Variants in TMEM38B observed in about 807,000 individuals in gnomAD.
The protein encoded by TMEM38B is transmembrane protein 38B.
In TMEM38B, 24 loss-of-function variants were observed where a neutral mutation model predicts 28.7. The ratio of observed to expected loss-of-function variants is 0.84; its 90% CI spans 0.61 to 1.18. TMEM38B has a LOEUF of 1.18. TMEM38B is among the 50% of genes most tolerant of loss of function. The pLI, the probability that TMEM38B is intolerant of heterozygous loss-of-function variation, is 0.00. For synonymous variants in TMEM38B, 131 were observed against 127.7 expected, an observed-to-expected ratio of 1.03 and a Z score of -0.17; for missense variants, 380 against 350.9, an observed-to-expected ratio of 1.08 and a Z score of -0.66.
chr9:105,722,547 C>G lies in TMEM38B; in HGVS notation c.468C>G (p.Thr156=). 1 of 1,613,278 alleles carries G rather than the reference C, an allele frequency of 6.2e-7. No homozygotes were observed. The highest frequency in any genetic ancestry group is 8.5e-7 in the Non-Finnish European group (1 of 1,179,598). Residue 156 remains threonine (T), a synonymous_variant, in exon 4 of 6, where the codon ACC becomes ACG. Transcript: ENST00000374692. ...AIGWARGAGG[T]IITNFERLVK... ...TCATATTTTTAGGTGCAGGTGGTAC[C>G]ATTATAACGAATTTTGAGAGGTTGG...
At chr9:105,763,942 AAT>A (rs1838163455) in intron 5 of TMEM38B, among the ~76,000 whole-genome samples, 1 of 151,090 alleles carries the variant, frequency 6.6e-6, no homozygotes, top group African/African-American at 2.4e-5. Context: ...CAAATCAATA[AAT>A]GTAATCCAGC....
chr9:105,719,310 C>T (rs1045467570), intron 2 of TMEM38B, among the ~76,000 whole-genome samples: 3 of 152,136 alleles, frequency 2.0e-5, no homozygotes, highest in African/African-American at 7.2e-5. Flanking sequence ...TCCACTTCCT[C>T]TCTCATTTTG....
chr9:105,716,639 CCACTTA>C (rs1169079516), intron 2 of TMEM38B, among the ~76,000 whole-genome samples: 10 of 104,290 alleles, frequency 9.6e-5, no homozygotes, highest in African/African-American at 5.3e-4. Flanking sequence ...CTGTGTGAAT[CCACTTA>C]TGTGCAGATT....
chr9:105,758,490 C>T, intron 5 of TMEM38B: 1 of 1,291,516 alleles, frequency 7.7e-7, no homozygotes, highest in South Asian at 1.2e-5. Flanking sequence ...GCTTTATGAC[C>T]TATTAAGAAA....
intron 5 of TMEM38B, among the ~76,000 whole-genome samples, chr9:105,765,790 ATTTTCTTTT>A (rs1275773351): frequency 4.6e-5 from 7 of 151,880 alleles, no homozygotes; most frequent in African/African-American, 7.2e-5. Context: ...ACAGACACAT[ATTTTCTTTT>A]TTTTCTTTTT....
intron 5 of TMEM38B, among the ~76,000 whole-genome samples, chr9:105,771,658 A>T (rs1447278615): frequency 6.6e-6 from 1 of 152,006 alleles, no homozygotes; most frequent in Non-Finnish European, 1.5e-5. Flanking sequence ...ATTTATTCTA[A>T]GGAATAATTT....
intron 5 of TMEM38B, chr9:105,760,054 T>G (rs750058563): frequency 7.5e-5 from 89 of 1,183,574 alleles, no homozygotes; most frequent in Admixed American, 3.7e-4. Flanking sequence ...ACTTCCAGCT[T>G]CTTCTGTGTT....
chr9:105,721,231 G>T (rs937621307), intron 2 of TMEM38B, among the ~76,000 whole-genome samples: 1 of 152,148 alleles, frequency 6.6e-6, no homozygotes. Flanking sequence ...TCAGCACTTA[G>T]CTTCTAGAAC....
rs146681679 is a variant in TMEM38B, at chr9:105,695,568, C to G, written c.112+796C>G. Among the ~76,000 whole-genome samples the G allele has an allele frequency of 1.6e-4, 24 of 152,308 alleles. No individual in the cohort carries two copies. In the East Asian group the frequency reaches 4.6e-3, roughly 29 times the overall value. Reference sequence around the variant, plus strand: ...GATTTTACACCAGGGTGCGTTTGCTCTAATACTGCTTTACTTTTGTAGTTA... The same window carrying G: ...GATTTTACACCAGGGTGCGTTTGCTGTAATACTGCTTTACTTTTGTAGTTA... On this transcript the variant is annotated intron_variant, in intron 1 of 5. Transcript: ENST00000374692.
chr9:105,702,857 T>A (rs1835506787), intron 1 of TMEM38B: 1 of 152,012 alleles, frequency 6.6e-6, no homozygotes, highest in African/African-American at 2.4e-5. Context: ...TTTTTTATAT[T>A]TTGTGGAGAT....
intron 1 of TMEM38B, among the ~76,000 whole-genome samples, chr9:105,704,448 A>G (rs1835577359): frequency 6.6e-6 from 1 of 152,152 alleles, no homozygotes; most frequent in African/African-American, 2.4e-5. Context: ...TTTGAGTTAG[A>G]GACATTGTTC....
intron 4 of TMEM38B, among the ~76,000 whole-genome samples, chr9:105,735,552 C>T (rs1194909584): frequency 6.6e-6 from 1 of 152,156 alleles, no homozygotes; most frequent in African/African-American, 2.4e-5. Flanking sequence ...AATAGCTTTG[C>T]TGGGTATAGT....
At chr9:105,762,391 A>T (rs1036498639) in intron 5 of TMEM38B, among the ~76,000 whole-genome samples, 1 of 140,374 alleles carries the variant, frequency 7.1e-6, no homozygotes, top group East Asian at 2.3e-4. Context: ...ATATCTCCCA[A>T]TGCTATCCCT....
chr9:105,747,375 T>G (rs888729220), intron 4 of TMEM38B, among the ~76,000 whole-genome samples: 2 of 152,222 alleles, frequency 1.3e-5, no homozygotes, highest in African/African-American at 2.4e-5. Flanking sequence ...GAGGTGTTTA[T>G]AGTATTCTCT....
intron 2 of TMEM38B, among the ~76,000 whole-genome samples, chr9:105,714,339 T>C (rs966807535): frequency 2.6e-5 from 4 of 152,230 alleles, no homozygotes; most frequent in Non-Finnish European, 4.4e-5. Context: ...TCCACTTGTC[T>C]GAATACTTCA....
At chr9:105,728,955 A>C (rs1836627892) in intron 4 of TMEM38B, among the ~76,000 whole-genome samples, 4 of 152,026 alleles carry the variant, frequency 2.6e-5, no homozygotes, top group Admixed American at 2.0e-4. Flanking sequence ...AATTTGTTTA[A>C]GTTCTTTGTA....
At chr9:105,705,775 C>T (rs1398237118) in intron 2 of TMEM38B, 22 bp downstream of exon 2, 7 of 1,597,346 alleles carry the variant, frequency 4.4e-6, no homozygotes, top group East Asian at 2.2e-5. Context: ...GTATGGTGAC[C>T]TATGTGACAT....
rs560266091 is a variant in TMEM38B, at chr9:105,760,438, C to G, written c.660+12248C>G. The G allele has an allele frequency of 3.4e-5, 25 of 741,062 alleles. No individual in the cohort carries two copies. In the South Asian group the frequency reaches 3.6e-4, roughly 11 times the overall value. The allele number at this position is 741,062 out of a possible 1,614,324, so 45.9% of individuals were successfully genotyped here. A position where few individuals can be genotyped will look rare whatever the true frequency, so the allele number is the denominator to read the frequency against. On this transcript the variant is annotated intron_variant, in intron 5 of 5. Transcript: ENST00000374692. ...CTTAAAAAAGGGACATATTGAAAAT[C>G]CTGGAGATGGACTATTTGTTCCTTT...
At position 105,722,805 on chromosome 9, in the gene TMEM38B, A is replaced by G. The variant is rs1053297474; in HGVS notation, c.542+184A>G. Among the ~76,000 whole-genome samples the G allele has an allele frequency of 5.3e-5, 8 of 152,214 alleles. No homozygotes were observed. The East Asian group carries it at 1.3e-3, about 26-fold the overall frequency. On this transcript the variant is annotated intron_variant, in intron 4 of 5. Coordinates refer to ENST00000374692, the MANE Select transcript of TMEM38B (RefSeq NM_018112.3). ...TTAAAAAGTCTGCTTTCTCAAATGTAGTTTAAAATATATATTTTCCTTCTC... is the reference window on the plus strand; with the variant it reads ...TTAAAAAGTCTGCTTTCTCAAATGTGGTTTAAAATATATATTTTCCTTCTC...
Sources: allele counts gnomAD v4.1 joint callset (sites outside exome capture counted in the v4.1 genomes callset), GRCh38; gene constraint gnomAD v4.1.1; transcripts MANE v1.5; gene names NCBI Gene and HGNC (gene_info 2026-07-23, HGNC 2026-07-21).